Variants in TMC5 observed in about 807,000 individuals in gnomAD.
TMC5 encodes the protein transmembrane channel like 5, also known as transmembrane channel-like protein 5.
TMC5 carries 86 observed loss-of-function variants against 110.5 expected under a neutral mutation model. The ratio of observed to expected loss-of-function variants is 0.78; its 90% CI spans 0.65 to 0.93. The LOEUF (loss-of-function observed/expected upper bound fraction) is 0.93. Among genes scored for constraint, TMC5 ranks in the 40% least tolerant of loss-of-function variants. TMC5 has a pLI of 0.00. For synonymous variants in TMC5, 455 were observed against 439.5 expected (o/e 1.04, Z -0.44); for missense variants, 1,144 against 1,222.8 (o/e 0.94, Z 0.96).
At chr16:19,426,150 T>C (rs1967085014) in intron 1 of TMC5, among the ~76,000 whole-genome samples, 1 of 152,266 alleles carries the variant, frequency 6.6e-6, no homozygotes, top group Non-Finnish European at 1.5e-5. Context: ...GGTTGTGTTA[T>C]ATAATACTTG....
chr16:19,433,030 C>T (rs947226760), intron 2 of TMC5, among the ~76,000 whole-genome samples: 21 of 151,814 alleles, frequency 1.4e-4, no homozygotes, highest in Admixed American at 6.6e-4. Flanking sequence ...TACACATATA[C>T]GCATACAATA....
intron 2 of TMC5, among the ~76,000 whole-genome samples, chr16:19,432,874 G>A (rs1238507482): frequency 6.6e-6 from 1 of 151,922 alleles, no homozygotes; most frequent in Non-Finnish European, 1.5e-5. Context: ...TCTAATCTAT[G>A]TGTGTTTTTG....
chr16:19,430,291 G>C (rs1370754448), intron 1 of TMC5, 122 bp from the exon 2 acceptor site: 1 of 152,176 alleles, frequency 6.6e-6, no homozygotes, highest in African/African-American at 2.4e-5. Context: ...AAGTTTTTAA[G>C]AGAAGAGAAA....
At chr16:19,473,435 A>AGAG (rs1176451275) in intron 11 of TMC5, among the ~76,000 whole-genome samples, 2 of 148,996 alleles carry the variant, frequency 1.3e-5, no homozygotes, top group Non-Finnish European at 3.0e-5. Context: ...GAACTCAGAG[A>AGAG]GAGGTGAAGC....
chr16:19,498,178 A>T lies in TMC5; in HGVS notation c.*212A>T. On this transcript the variant is annotated 3_prime_UTR_variant, in exon 22 of 22. Transcript: ENST00000542583. ...TGGATTGCTGATTTTTCAAGACAAA[A>T]TACTTGGGGTTTTCCAATAAAGATT... 1 of 559,140 alleles carries T rather than the reference A, an allele frequency of 1.8e-6. No homozygotes were observed. The highest frequency in any genetic ancestry group is 3.1e-5 in the East Asian group (1 of 32,338). 34.6% of individuals were successfully genotyped at this position (559,140 alleles called of 1,614,324 possible).
intron 9 of TMC5, among the ~76,000 whole-genome samples, chr16:19,466,860 GA>G (rs1444023377): frequency 6.6e-6 from 1 of 152,118 alleles, no homozygotes; most frequent in East Asian, 1.9e-4. Context: ...ATACACATAT[GA>G]AAGGCTGGGC....
At chr16:19,426,756 T>C (rs1398096630) in intron 1 of TMC5, among the ~76,000 whole-genome samples, 1 of 152,232 alleles carries the variant, frequency 6.6e-6, no homozygotes, top group Non-Finnish European at 1.5e-5. Flanking sequence ...TTGCTTCTCT[T>C]TTCTTTTTTA....
intron 5 of TMC5, among the ~76,000 whole-genome samples, chr16:19,454,856 G>T (rs1295555405): frequency 6.6e-6 from 1 of 152,204 alleles, no homozygotes; most frequent in Non-Finnish European, 1.5e-5. Context: ...TGAGAAGTGT[G>T]GGTTAGGTGC....
chr16:19,452,545 C>T (rs1470639573), intron 5 of TMC5, among the ~76,000 whole-genome samples: 2 of 151,974 alleles, frequency 1.3e-5, no homozygotes, highest in Non-Finnish European at 2.9e-5. Flanking sequence ...GGTGAAACCC[C>T]GTCTCTACTA....
chr16:19,493,213 G>T (rs992380154), intron 19 of TMC5, among the ~76,000 whole-genome samples: 1 of 150,760 alleles, frequency 6.6e-6, no homozygotes, highest in Non-Finnish European at 1.5e-5. Context: ...CGCCCGCCTC[G>T]GCCTCCCAAA....
rs541151384 is a variant in TMC5, at chr16:19,486,621, C to T, written c.2364-324C>T. 3.3e-3 allele frequency among the ~76,000 whole-genome samples: 408 copies of T among 124,264 alleles called. 3 individuals are homozygous for T. Among genetic ancestry groups the T allele is most frequent in the African/African-American group, 9.2e-3 (337 of 36,616 alleles). The allele number at this position is 124,264 out of a possible 152,430, so 81.5% of individuals were successfully genotyped here. On this transcript the variant is annotated intron_variant, in intron 15 of 21. Transcript: ENST00000542583. The stretch of plus-strand genomic sequence containing the variant: ...TGAACTCCTGACCTCAGGTGATTCA[C>T]CCCCTCTTGGCCTCCCAAAGTTCTG...
intron 1 of TMC5, among the ~76,000 whole-genome samples, chr16:19,429,944 C>T (rs1967162760): frequency 6.6e-6 from 1 of 152,038 alleles, no homozygotes; most frequent in Admixed American, 6.6e-5. Context: ...TTACCTCCAC[C>T]GAGATCCTAC....
chr16:19,441,926 C>T (rs1034566899), intron 3 of TMC5, among the ~76,000 whole-genome samples: 1 of 152,122 alleles, frequency 6.6e-6, no homozygotes, highest in African/African-American at 2.4e-5. Flanking sequence ...ACCTCAGTCT[C>T]CTGAGTAGCT....
intron 2 of TMC5, among the ~76,000 whole-genome samples, chr16:19,434,921 C>T (rs1372616671): frequency 6.6e-6 from 1 of 152,082 alleles, no homozygotes; most frequent in Non-Finnish European, 1.5e-5. Context: ...GGAAAGTAAG[C>T]CCAGTTCTGA....
In TMC5 at chr16:19,440,210, G is replaced by C; in HGVS notation, c.172G>C (p.Ala58Pro). 6 of 1,614,154 alleles carry C rather than the reference G, an allele frequency of 3.7e-6. No homozygotes were observed. Among genetic ancestry groups the C allele is most frequent in the Non-Finnish European group, 5.1e-6 (6 of 1,180,020 alleles). ...PGTRSNPYSV[A>P]SRTRPDYPGS... is the part of the protein sequence containing the mutation. ...CACCAGGAGCAATCCATACTCTGTA[G>C]CCTCCAGAACACGTCCAGACTATCC... is the stretch of plus-strand genomic sequence containing the variant. Residue 58 changes from alanine to proline, a missense_variant, in exon 3 of 22, where the codon GCC (alanine) becomes CCC (proline). Transcript: ENST00000542583.
chr16:19,495,008 A>ATTTTTTTTTT lies in TMC5; in HGVS notation c.2931+644_2931+645insTTTTTTTTTT, dbSNP rs1226858039. On this transcript the variant is annotated intron_variant, in intron 20 of 21. Coordinates refer to ENST00000542583, the MANE Select transcript of TMC5 (RefSeq NM_001261841.2). ...TCTCACTATGAATACTTCAGTGTCTATTCTTTTTTTTTTTTTTTTTTTTTG... is the reference window on the plus strand; with the variant it reads ...TCTCACTATGAATACTTCAGTGTCTATTTTTTTTTTTTCTTTTTTTTTTTTTTTTTTTTTG... 8.3e-3 allele frequency among the ~76,000 whole-genome samples: 308 copies of ATTTTTTTTTT among 37,078 alleles called. 67 individuals are homozygous for ATTTTTTTTTT. The highest frequency in any genetic ancestry group is 0.013 in the Non-Finnish European group (239 of 18,576). The allele number at this position is 37,078 out of a possible 152,430, so 24.3% of individuals were successfully genotyped here.
rs375931621 is a variant in TMC5, at chr16:19,492,257, C to T, written c.2826+29C>T. On this transcript the variant is annotated intron_variant, in intron 19 of 21. Transcript: ENST00000542583. ...AGTCCCCTTGGATCCCTCTGATGTCCGCCCTCACCCTTTTTAAACGCTGTA... is the reference window on the plus strand; with the variant it reads ...AGTCCCCTTGGATCCCTCTGATGTCTGCCCTCACCCTTTTTAAACGCTGTA... 1,193 of 1,526,110 alleles carry T rather than the reference C, an allele frequency of 7.8e-4. 2 individuals are homozygous for T. The highest frequency in any genetic ancestry group is 2.7e-3 in the East Asian group (118 of 44,380). 94.5% of individuals were successfully genotyped at this position (1,526,110 alleles called of 1,614,324 possible). A position where few individuals can be genotyped will look rare whatever the true frequency, so the allele number is the denominator to read the frequency against.
rs769255282 is a variant in TMC5 at position 19,474,189 on chromosome 16, A to T, written c.2003A>T (p.Asn668Ile). ...LLLPFVVSCI[N>I]LAVPCIYSMF... ...CTGCCTTTCGTTGTGTCCTGCATTA[A>T]TCTGGCCGTGCCATGCATCTACTCC... is the stretch of plus-strand genomic sequence containing the variant. Residue 668 changes from asparagine (N) to isoleucine (I), a missense_variant, in exon 12 of 22, where the codon AAT (asparagine) becomes ATT (isoleucine). Transcript: ENST00000542583. The T allele has an allele frequency of 2.5e-6, 4 of 1,613,994 alleles. No homozygotes were observed. The highest frequency in any genetic ancestry group is 1.3e-5 in the African/African-American group (1 of 74,990).
intron 2 of TMC5, among the ~76,000 whole-genome samples, chr16:19,434,636 C>T (rs895964173): frequency 2.1e-4 from 32 of 151,558 alleles, no homozygotes; most frequent in African/African-American, 6.1e-4. Flanking sequence ...TTTCCTATTT[C>T]TTTAATCATG....
Sources: gnomAD v4.1 joint callset for allele counts (sites outside exome capture counted in the v4.1 genomes callset) on GRCh38, gnomAD v4.1.1 for gene constraint, MANE v1.5 for transcripts, NCBI Gene and HGNC (gene_info 2026-07-23, HGNC 2026-07-21) for gene names.